The following SLC2A13 variants were observed in gnomAD, a reference collection of about 807,000 sequenced individuals.
The protein encoded by SLC2A13 is solute carrier family 2 member 13.
SLC2A13 carries 32 observed loss-of-function variants against 64.4 expected under a neutral mutation model. The observed-to-expected ratio is 0.50, with a 90% CI of 0.37 to 0.67. The LOEUF is 0.67. Ranked by LOEUF, SLC2A13 falls within the 30% of genes least tolerant of loss-of-function variation. The probability of loss-of-function intolerance (pLI) is 0.00; values close to 1 mark genes in which losing one functional copy is unlikely to be tolerated. For missense variants in SLC2A13, 743 were observed against 829.2 expected, an observed-to-expected ratio of 0.90 and a Z score of 1.28; for synonymous variants, 338 against 327.1, an observed-to-expected ratio of 1.03 and a Z score of -0.36.
At chr12:40,029,401 T>C (rs983764758) in intron 2 of SLC2A13, among the ~76,000 whole-genome samples, 1 of 152,230 alleles carries the variant, frequency 6.6e-6, no homozygotes, top group Non-Finnish European at 1.5e-5. Context: ...GAATGTTTTC[T>C]GTTAATCCAA....
chr12:39,790,063 A>C (rs1016147741), intron 7 of SLC2A13, among the ~76,000 whole-genome samples: 15 of 151,848 alleles, frequency 9.9e-5, no homozygotes, highest in African/African-American at 3.6e-4. Flanking sequence ...TATATCCTAA[A>C]TATTTTAATT....
intron 4 of SLC2A13, among the ~76,000 whole-genome samples, chr12:39,938,087 T>A (rs1022261038): frequency 6.6e-6 from 1 of 152,156 alleles, no homozygotes; most frequent in Non-Finnish European, 1.5e-5. Context: ...AACGGTGGGA[T>A]GTTTCTGCTT....
rs749102054 is a variant in SLC2A13, at chr12:39,764,543, G to C, written c.1637C>G (p.Ala546Gly). The C allele has an allele frequency of 6.2e-7, 1 of 1,612,132 alleles. No homozygotes were observed. Among genetic ancestry groups the C allele is most frequent in the Non-Finnish European group, 8.5e-7 (1 of 1,179,180 alleles). ...YPLWARSTGN[A>G]CSSGINWIFN... Reference sequence around the variant, plus strand: ...AATCCAGTTTATTCCAGATGAACATGCATTTCCTGTACTTCTTGCCCAAAG... The same window carrying C: ...AATCCAGTTTATTCCAGATGAACATCCATTTCCTGTACTTCTTGCCCAAAG... The change falls in exon 9 of 10, where the codon GCA becomes GGA. Residue 546 changes from alanine (A) to glycine (G), a missense_variant. Ala to Gly is a moderately conservative substitution (Grantham distance 60, BLOSUM62 0). Around this residue, in one of 2 missense-constraint regions of SLC2A13, gnomAD observed 295 missense variants for 381.7 expected, o/e 0.77. Coordinates refer to ENST00000280871, the MANE Select transcript of SLC2A13 (RefSeq NM_052885.4).
chr12:39,950,780 CA>C (rs1256864173), intron 4 of SLC2A13: 2 of 154,290 alleles, frequency 1.3e-5, no homozygotes, highest in African/African-American at 4.8e-5. Context: ...CCTTCCCACT[CA>C]ATCTCCCCTC....
chr12:40,059,699 G>A (rs1196103897), intron 1 of SLC2A13, among the ~76,000 whole-genome samples: 2 of 152,082 alleles, frequency 1.3e-5, no homozygotes, highest in Non-Finnish European at 2.9e-5. Context: ...AGACTTCATT[G>A]AAAAGGCATG....
intron 7 of SLC2A13, among the ~76,000 whole-genome samples, chr12:39,771,827 C>T (rs531876531): frequency 6.6e-6 from 1 of 152,226 alleles, no homozygotes; most frequent in South Asian, 2.1e-4. Context: ...GTGGCTGCAG[C>T]CTACCTTATC....
At chr12:39,920,016 C>A (rs1945587787) in intron 4 of SLC2A13, among the ~76,000 whole-genome samples, 1 of 151,908 alleles carries the variant, frequency 6.6e-6, no homozygotes, top group South Asian at 2.1e-4. Flanking sequence ...ACTTAGGAGT[C>A]CAGCTGTAAA....
intron 7 of SLC2A13, among the ~76,000 whole-genome samples, chr12:39,782,458 C>G (rs548996350): frequency 2.6e-5 from 4 of 152,286 alleles, no homozygotes; most frequent in South Asian, 2.1e-4. Context: ...GCCGCCACCA[C>G]GTAAGATGTG....
chr12:39,970,011 T>C (rs1263320535), intron 3 of SLC2A13, among the ~76,000 whole-genome samples: 2 of 152,362 alleles, frequency 1.3e-5, no homozygotes, highest in Admixed American at 6.5e-5. Flanking sequence ...TTCAGCTTTC[T>C]ACATATGGCT....
chr12:40,103,550 A>T (rs1939210800), intron 1 of SLC2A13, among the ~76,000 whole-genome samples: 1 of 152,238 alleles, frequency 6.6e-6, no homozygotes, highest in South Asian at 2.1e-4. Flanking sequence ...CAGGTCAGAT[A>T]AAAAGAGTAA....
At chr12:39,782,160 A>C (rs192260905) in intron 7 of SLC2A13, among the ~76,000 whole-genome samples, 2 of 152,312 alleles carry the variant, frequency 1.3e-5, no homozygotes, top group East Asian at 3.9e-4. Context: ...AAGTCTTGCT[A>C]TGCTTTTATT....
intron 3 of SLC2A13, among the ~76,000 whole-genome samples, chr12:39,998,195 C>T (rs1947264675): frequency 6.6e-6 from 1 of 152,122 alleles, no homozygotes; most frequent in Admixed American, 6.5e-5. Flanking sequence ...GAATACTACT[C>T]AGCCATAAAA....
chr12:39,927,590 A>G (rs1472749432), intron 4 of SLC2A13, among the ~76,000 whole-genome samples: 1 of 152,188 alleles, frequency 6.6e-6, no homozygotes, highest in Non-Finnish European at 1.5e-5. Flanking sequence ...TTTAAACAAT[A>G]ACATATCAAA....
At chr12:40,009,108 T>C (rs770551247) in intron 3 of SLC2A13, among the ~76,000 whole-genome samples, 1 of 151,942 alleles carries the variant, frequency 6.6e-6, no homozygotes, top group Non-Finnish European at 1.5e-5. Context: ...CTAGGTGTGT[T>C]TGTGTGTGTG....
At chr12:40,041,206 T>C (rs1948083590) in intron 2 of SLC2A13, among the ~76,000 whole-genome samples, 1 of 152,118 alleles carries the variant, frequency 6.6e-6, no homozygotes, top group South Asian at 2.1e-4. Context: ...CCAAATCTAA[T>C]GTGTTATGAA....
intron 1 of SLC2A13, among the ~76,000 whole-genome samples, chr12:40,075,393 C>T (rs1394267008): frequency 1.3e-5 from 2 of 152,156 alleles, no homozygotes; most frequent in African/African-American, 4.8e-5. Context: ...TATCCACCTG[C>T]CTCTCCAGTT....
chr12:40,082,338 C>T (rs894951313), intron 1 of SLC2A13, among the ~76,000 whole-genome samples: 1 of 152,232 alleles, frequency 6.6e-6, no homozygotes, highest in Non-Finnish European at 1.5e-5. Flanking sequence ...AATCTGCCTG[C>T]TGTTGCTTAC....
intron 2 of SLC2A13, among the ~76,000 whole-genome samples, chr12:40,040,935 G>T (rs1162309024): frequency 6.6e-6 from 1 of 151,652 alleles, no homozygotes; most frequent in Non-Finnish European, 1.5e-5. Context: ...GCATCTTATT[G>T]ACATGGATTT....
intron 1 of SLC2A13, among the ~76,000 whole-genome samples, chr12:40,074,432 A>G (rs1001437245): frequency 2.0e-5 from 3 of 152,050 alleles, no homozygotes; most frequent in Admixed American, 6.6e-5. Flanking sequence ...CTCCCATAGC[A>G]TTGGGATTAC....
Sources: allele counts gnomAD v4.1 joint callset (sites outside exome capture counted in the v4.1 genomes callset), GRCh38; gene constraint gnomAD v4.1.1; regional missense constraint gnomAD v4.1.1; transcripts MANE v1.5; gene names NCBI Gene and HGNC (gene_info 2026-07-23, HGNC 2026-07-21).